The following CLYBL variants were observed in gnomAD, a reference collection of about 807,000 sequenced individuals.
The protein encoded by CLYBL is citramalyl-CoA lyase, mitochondrial.
In CLYBL, 31 loss-of-function variants were observed where a neutral mutation model predicts 38.9. The observed-to-expected ratio is 0.80, with a 90% CI of 0.60 to 1.08. The LOEUF is 1.08. Ranked by LOEUF, CLYBL falls within the 50% of genes least tolerant of loss-of-function variation. The probability of loss-of-function intolerance (pLI) is 0.00; values close to 1 mark genes in which losing one functional copy is unlikely to be tolerated. For synonymous variants in CLYBL, 171 were observed against 158.6 expected (o/e 1.08, Z -0.59); for missense variants, 434 against 411.6 (o/e 1.05, Z -0.47).
At chr13:99,607,280 T>C (rs912109356) in intron 1 of CLYBL, among the ~76,000 whole-genome samples, 5 of 149,776 alleles carry the variant, frequency 3.3e-5, no homozygotes, top group African/African-American at 1.2e-4. Flanking sequence ...TTAATACAAA[T>C]AACACTTTAA....
chr13:99,833,016 ATATATATATATATATTTTTTT>A (rs1566345703), intron 2 of CLYBL, among the ~76,000 whole-genome samples: 10 of 32,772 alleles, frequency 3.1e-4, no homozygotes, highest in African/African-American at 1.2e-3. Flanking sequence ...ACATATATAT[ATATATATATATATATTTTTTT>A]TTTTTTTTTT....
At chr13:99,736,620 G>A (rs61974420) in intron 1 of CLYBL, among the ~76,000 whole-genome samples, 4,333 of 152,172 alleles carry the variant, frequency 0.028, 75 homozygotes, top group Middle Eastern at 0.12. Flanking sequence ...TGCCACTTGA[G>A]GAGATGAAAT....
intron 1 of CLYBL, among the ~76,000 whole-genome samples, chr13:99,700,148 C>A (rs1029061584): frequency 6.6e-6 from 1 of 151,996 alleles, no homozygotes; most frequent in African/African-American, 2.4e-5. Flanking sequence ...ACAAACACAC[C>A]CACGGTGTAA....
chr13:99,830,960 T>G (rs987198226), intron 2 of CLYBL, among the ~76,000 whole-genome samples: 1 of 152,024 alleles, frequency 6.6e-6, no homozygotes, highest in Non-Finnish European at 1.5e-5. Context: ...CAATGACAAG[T>G]GTCTTTTTAA....
At chr13:99,707,608 T>C (rs1424065430) in intron 1 of CLYBL, among the ~76,000 whole-genome samples, 3 of 152,204 alleles carry the variant, frequency 2.0e-5, no homozygotes, top group African/African-American at 7.2e-5. Flanking sequence ...TACAATGATA[T>C]GTTTTATAAT....
At chr13:99,636,061 TA>T (rs1383378886) in intron 1 of CLYBL, among the ~76,000 whole-genome samples, 13 of 152,234 alleles carry the variant, frequency 8.5e-5, no homozygotes, top group African/African-American at 3.1e-4. Flanking sequence ...GTTTGAATTT[TA>T]ACAGAGTACA....
intron 1 of CLYBL, among the ~76,000 whole-genome samples, chr13:99,609,932 G>A (rs897359591): frequency 2.0e-5 from 3 of 149,086 alleles, no homozygotes; most frequent in African/African-American, 7.5e-5. Context: ...CTTTCTCTTA[G>A]AGACGGAGTC....
intron 1 of CLYBL, among the ~76,000 whole-genome samples, chr13:99,718,997 C>G (rs920813425): frequency 6.6e-6 from 1 of 152,106 alleles, no homozygotes; most frequent in Admixed American, 6.5e-5. Context: ...CATGCACCAC[C>G]ACGCCTGGCT....
intron 1 of CLYBL, among the ~76,000 whole-genome samples, chr13:99,709,923 C>CTTTTTT (rs373484721): frequency 3.5e-4 from 39 of 110,454 alleles, no homozygotes; most frequent in Non-Finnish European, 4.9e-4. Context: ...TTCTTTCTTT[C>CTTTTTT]TTTTTTTTTT....
In CLYBL at chr13:99,608,762, G is replaced by C. The variant is rs540261059; in HGVS notation, c.62+2005G>C. On this transcript the variant is annotated intron_variant, in intron 1 of 8. Coordinates refer to ENST00000339105, the MANE Select transcript of CLYBL (RefSeq NM_206808.5). ...TTTTTTCCTTTGAGCATTTTAAAGC[G>C]TATTATCGCACTGTCTTTTTGCCTC... is the stretch of plus-strand genomic sequence containing the variant. Among the ~76,000 whole-genome samples, 9 of 149,920 alleles carry C rather than the reference G, an allele frequency of 6.0e-5. No individual in the cohort carries two copies. The East Asian group carries it at 1.8e-3, about 30-fold the overall frequency.
chr13:99,638,945 T>C (rs1402448441), intron 1 of CLYBL, among the ~76,000 whole-genome samples: 1 of 152,172 alleles, frequency 6.6e-6, no homozygotes, highest in Non-Finnish European at 1.5e-5. Flanking sequence ...TGAGCTGGGA[T>C]CGCAACCACA....
chr13:99,717,749 T>C (rs2048339720), intron 1 of CLYBL, among the ~76,000 whole-genome samples: 2 of 151,726 alleles, frequency 1.3e-5, no homozygotes, highest in African/African-American at 2.4e-5. Context: ...GGTGAGCCAC[T>C]GTGAATTCAC....
chr13:99,638,603 G>T (rs77630106), intron 1 of CLYBL, among the ~76,000 whole-genome samples: 2,054 of 152,320 alleles, frequency 0.013, 47 homozygotes, highest in African/African-American at 0.046. Context: ...CCACATACCT[G>T]TGTACATTTT....
At chr13:99,628,224 AT>A (rs2046896454) in intron 1 of CLYBL, among the ~76,000 whole-genome samples, 1 of 152,220 alleles carries the variant, frequency 6.6e-6, no homozygotes, top group Admixed American at 6.5e-5. Flanking sequence ...ACTGATACCC[AT>A]TAAATATATA....
At chr13:99,689,923 C>T (rs1226264839) in intron 1 of CLYBL, among the ~76,000 whole-genome samples, 1 of 152,118 alleles carries the variant, frequency 6.6e-6, no homozygotes, top group African/African-American at 2.4e-5. Flanking sequence ...AGATGGATGG[C>T]GATTAACTCT....
At chr13:99,854,053 G>C (rs1004137909) in intron 2 of CLYBL, among the ~76,000 whole-genome samples, 2 of 152,012 alleles carry the variant, frequency 1.3e-5, no homozygotes, top group Admixed American at 6.6e-5. Context: ...ATTGCCTTTT[G>C]CAGGATGAAA....
intron 4 of CLYBL, among the ~76,000 whole-genome samples, chr13:99,863,455 TTCTTTTCTATCAAA>T (rs2051660183): frequency 6.6e-6 from 1 of 152,164 alleles, no homozygotes; most frequent in East Asian, 1.9e-4. Flanking sequence ...CTTTGAAATG[TTCTTTTCTATCAAA>T]TGTCTTTTCA....
At chr13:99,904,668 T>G (rs577214708) in intron 8 of CLYBL, among the ~76,000 whole-genome samples, 1 of 152,232 alleles carries the variant, frequency 6.6e-6, no homozygotes, top group South Asian at 2.1e-4. Flanking sequence ...AAACTAATAT[T>G]CCATAATTTA....
chr13:99,787,658 G>C (rs1037485051), intron 2 of CLYBL, among the ~76,000 whole-genome samples: 1 of 152,114 alleles, frequency 6.6e-6, no homozygotes, highest in Non-Finnish European at 1.5e-5. Context: ...TGTTCTTTTG[G>C]CTTAGGATTG....
Sources: allele counts gnomAD v4.1 joint callset (sites outside exome capture counted in the v4.1 genomes callset), GRCh38; gene constraint gnomAD v4.1.1; transcripts MANE v1.5; gene names NCBI Gene and HGNC (gene_info 2026-07-23, HGNC 2026-07-21).